PDK2: variants seen among roughly 807,000 people sequenced by gnomAD.
PDK2 encodes the protein pyruvate dehydrogenase kinase 2.
In PDK2, 34 loss-of-function variants were observed where a neutral mutation model predicts 50.4. The observed-to-expected ratio is 0.68, with a 90% confidence interval of 0.51 to 0.90. PDK2 has a LOEUF of 0.90. Among genes scored for constraint, PDK2 ranks in the 40% least tolerant of loss-of-function variants. The pLI, the probability that PDK2 is intolerant of heterozygous loss-of-function variation, is 0.00. For synonymous variants in PDK2, 232 were observed against 216.0 expected, an observed-to-expected ratio of 1.07 and a Z score of -0.65; for missense variants, 377 against 544.5, an observed-to-expected ratio of 0.69 and a Z score of 3.06.
Position 50,097,514 on chromosome 17 carries a change from G to A in PDK2, c.210G>A (p.Leu70=). ...RLANIMKEIN[L]LPDRVLSTPS... Reference sequence around the variant, plus strand: ...CCAACATCATGAAAGAGATCAACCTGCTTCCCGACCGAGTGCTGAGCACAC... The same window carrying A: ...CCAACATCATGAAAGAGATCAACCTACTTCCCGACCGAGTGCTGAGCACAC... Residue 70 remains leucine, a synonymous_variant, in exon 2 of 11, where the codon CTG becomes CTA. Coordinates refer to ENST00000503176, the MANE Select transcript of PDK2 (RefSeq NM_002611.5). The A allele has an allele frequency of 6.2e-7, 1 of 1,613,882 alleles. No individual in the cohort carries two copies.
At chr17:50,106,654 G>T (rs1002389186) in intron 4 of PDK2, 140 bp from the exon 5 acceptor site, 7 of 705,880 alleles carry the variant, frequency 9.9e-6, no homozygotes, top group East Asian at 2.7e-5. Flanking sequence ...GGACAGAAGC[G>T]GGGGAGTGGG....
rs1910692596 is a variant in PDK2, at chr17:50,109,256, T to C, written c.970-31T>C. 1.4e-6 allele frequency: 2 copies of C among 1,480,420 alleles called. No homozygotes were observed. The highest frequency in any genetic ancestry group is 4.5e-5 in the East Asian group (2 of 44,190). The allele number at this position is 1,480,420 out of a possible 1,614,324, so 91.7% of individuals were successfully genotyped here. ...CTCCAGGAGGCCCCTGCCAGCCTCC[T>C]CATCCTCACTGCCTTCCTGCCCCGC... On this transcript the variant is annotated intron_variant, in intron 9 of 10. Transcript: ENST00000503176. The surrounding 1 kb of genome is among the most constrained non-coding windows in gnomAD (Gnocchi z 5.0).
chr17:50,100,081 G>A (rs1444235694), intron 2 of PDK2, among the ~76,000 whole-genome samples: 1 of 152,210 alleles, frequency 6.6e-6, no homozygotes, highest in Non-Finnish European at 1.5e-5. Context: ...GACTTTACCA[G>A]GGAGCTTGGC....
rs763112452 is a variant in PDK2 at position 50,108,644 on chromosome 17, G to A, written c.894G>A (p.Arg298=). 6.2e-7 allele frequency: 1 copy of A among 1,613,168 alleles called. No individual in the cohort carries two copies. Among genetic ancestry groups the A allele is most frequent in the Non-Finnish European group, 8.5e-7 (1 of 1,179,670 alleles). Residue 298 remains arginine (R), a synonymous_variant, in exon 9 of 11, where the codon AGG becomes AGA. Transcript: ENST00000503176. ...MSDRGGGVPL[R]KIERLFSYMY... ...ACCGAGGTGGGGGTGTTCCCTTGAG[G>A]AAGATTGAGCGACTCTTCAGCTACA...
Position 50,097,508 on chromosome 17 carries a change from C to A in PDK2, c.204C>A (p.Ile68=), listed in dbSNP as rs760434487. ...PVRLANIMKE[I]NLLPDRVLST... Reference sequence around the variant, plus strand: ...GCCTGGCCAACATCATGAAAGAGATCAACCTGCTTCCCGACCGAGTGCTGA... The same window carrying A: ...GCCTGGCCAACATCATGAAAGAGATAAACCTGCTTCCCGACCGAGTGCTGA... Residue 68 remains isoleucine (I), a synonymous_variant, in exon 2 of 11, where the codon ATC becomes ATA. Coordinates refer to ENST00000503176, the MANE Select transcript of PDK2 (RefSeq NM_002611.5). 74 of 1,613,856 alleles carry A rather than the reference C, an allele frequency of 4.6e-5. No homozygotes were observed. Among genetic ancestry groups the A allele is most frequent in the Non-Finnish European group, 5.5e-5 (65 of 1,180,000 alleles).
In PDK2 at chr17:50,106,172, C is replaced by T; in HGVS notation, c.517+103C>T. The T allele has an allele frequency of 2.0e-6, 3 of 1,527,572 alleles. No homozygotes were observed. In the South Asian group the frequency reaches 3.6e-5, roughly 18 times the overall value. 94.6% of individuals were successfully genotyped at this position (1,527,572 alleles called of 1,614,324 possible). ...ACCTAGACCACTCTTCAGAACCCCA[C>T]AAAGGGAGTCTTTGAATAGTTACTC... On this transcript the variant is annotated intron_variant, in intron 4 of 10. Coordinates refer to ENST00000503176, the MANE Select transcript of PDK2 (RefSeq NM_002611.5).
rs1910766978 is a variant in PDK2 at position 50,110,349 on chromosome 17, AT to A, written c.*253del. ...GAGGGTTAGGGATGTCTCCACCCTGATGGGGTGTCCCAGAGACATTTTCCCA... is the reference window on the plus strand; with the variant it reads ...GAGGGTTAGGGATGTCTCCACCCTGAGGGGTGTCCCAGAGACATTTTCCCA... On this transcript the variant is annotated 3_prime_UTR_variant, in exon 11 of 11. Coordinates refer to ENST00000503176, the MANE Select transcript of PDK2 (RefSeq NM_002611.5). 2 of 366,894 alleles carry A rather than the reference AT, an allele frequency of 5.5e-6. No individual in the cohort carries two copies. The highest frequency in any genetic ancestry group is 8.5e-5 in the East Asian group (2 of 23,534). 22.7% of individuals were successfully genotyped at this position (366,894 alleles called of 1,614,324 possible).
At chr17:50,096,722 G>T (rs1317655590) in intron 1 of PDK2, among the ~76,000 whole-genome samples, 2 of 152,190 alleles carry the variant, frequency 1.3e-5, no homozygotes, top group Non-Finnish European at 2.9e-5. Flanking sequence ...TACTATGGGG[G>T]AAACTGAGAC....
Position 50,109,891 on chromosome 17 carries a change from G to C in PDK2, c.1084-66G>C. 1 of 1,410,206 alleles carries C rather than the reference G, an allele frequency of 7.1e-7. No individual in the cohort carries two copies. The highest frequency in any genetic ancestry group is 9.4e-7 in the Non-Finnish European group (1 of 1,068,028). 87.4% of individuals were successfully genotyped at this position (1,410,206 alleles called of 1,614,324 possible). A position where few individuals can be genotyped will look rare whatever the true frequency, so the allele number is the denominator to read the frequency against. ...GCTGGGCTGCCGCTGAGCTGGGGTG[G>C]GGTGGTCTGCTGAGGAGTGGACAAG... On this transcript the variant is annotated intron_variant, in intron 10 of 10. Coordinates refer to ENST00000503176, the MANE Select transcript of PDK2 (RefSeq NM_002611.5). The surrounding 1 kb of genome is among the most constrained non-coding windows in gnomAD (Gnocchi z 5.0).
chr17:50,099,391 A>C (rs959179941), intron 2 of PDK2, among the ~76,000 whole-genome samples: 4 of 152,324 alleles, frequency 2.6e-5, no homozygotes, highest in Non-Finnish European at 4.4e-5. Context: ...AAACTCAGTG[A>C]CACAGATAAG....
chr17:50,105,013 A>G (rs1306035778), intron 2 of PDK2, among the ~76,000 whole-genome samples: 1 of 151,838 alleles, frequency 6.6e-6, no homozygotes, highest in South Asian at 2.1e-4. Context: ...GCCTTCCCCC[A>G]CTGCAGGCGC....
At position 50,109,554 on chromosome 17, in the gene PDK2, G is replaced by A. The variant is rs1910713388; in HGVS notation, c.1083+154G>A. Among the ~76,000 whole-genome samples the A allele has an allele frequency of 6.6e-6, 1 of 152,148 alleles. No individual in the cohort carries two copies. The highest frequency in any genetic ancestry group is 1.5e-5 in the Non-Finnish European group (1 of 68,026). ...AAGCAAAGCTACAGTTCCTCAACCT[G>A]AAGAACCCTCAACCCCCAGACACGC... On this transcript the variant is annotated intron_variant, in intron 10 of 10. Transcript: ENST00000503176. The surrounding 1 kb of genome is among the most constrained non-coding windows in gnomAD (Gnocchi z 5.0).
intron 3 of PDK2, 37 bp from the exon 4 acceptor site, chr17:50,105,848 G>A: frequency 6.2e-7 from 1 of 1,603,500 alleles, no homozygotes; most frequent in East Asian, 2.3e-5. Context: ...AGAAGAGTCT[G>A]GGGGTGTCCC....
chr17:50,103,927 C>G (rs1168153132), intron 2 of PDK2, among the ~76,000 whole-genome samples: 1 of 152,150 alleles, frequency 6.6e-6, no homozygotes, highest in Non-Finnish European at 1.5e-5. Context: ...TTACAGGTTA[C>G]AGTGAAGGCC....
chr17:50,099,875 C>G (rs927647832), intron 2 of PDK2, among the ~76,000 whole-genome samples: 2 of 152,258 alleles, frequency 1.3e-5, no homozygotes, highest in Non-Finnish European at 2.9e-5. Context: ...GAAGAGACAG[C>G]CTGCCAAGAA....
chr17:50,102,337 G>A (rs552994245), intron 2 of PDK2, among the ~76,000 whole-genome samples: 1 of 152,194 alleles, frequency 6.6e-6, no homozygotes, highest in Non-Finnish European at 1.5e-5. Flanking sequence ...CAGTGGCCAC[G>A]TGACCAGGCC....
Position 50,109,438 on chromosome 17 carries a change from C to T in PDK2, c.1083+38C>T. Reference sequence around the variant, plus strand: ...CCCGCAGAGCCCAGCTGGAGAAGAGCTTTGCTGATAGGACCTGGGCAGCCT... The same window carrying T: ...CCCGCAGAGCCCAGCTGGAGAAGAGTTTTGCTGATAGGACCTGGGCAGCCT... On this transcript the variant is annotated intron_variant, in intron 10 of 10. Coordinates refer to ENST00000503176, the MANE Select transcript of PDK2 (RefSeq NM_002611.5). The surrounding 1 kb of genome is among the most constrained non-coding windows in gnomAD (Gnocchi z 5.0). 5 of 1,429,686 alleles carry T rather than the reference C, an allele frequency of 3.5e-6. No homozygotes were observed. Among genetic ancestry groups the T allele is most frequent in the Non-Finnish European group, 4.9e-6 (5 of 1,023,694 alleles). 88.6% of individuals were successfully genotyped at this position (1,429,686 alleles called of 1,614,324 possible). A position where few individuals can be genotyped will look rare whatever the true frequency, so the allele number is the denominator to read the frequency against.
intron 2 of PDK2, among the ~76,000 whole-genome samples, chr17:50,099,698 C>T (rs1910124845): frequency 6.6e-6 from 1 of 152,236 alleles, no homozygotes; most frequent in African/African-American, 2.4e-5. Flanking sequence ...GAGGCTGAGG[C>T]AGGAGAATGG....
Position 50,105,382 on chromosome 17 carries a change from G to C in PDK2, c.272G>C (p.Ser91Thr). The C allele has an allele frequency of 6.2e-7, 1 of 1,613,004 alleles. No homozygotes were observed. Among genetic ancestry groups the C allele is most frequent in the South Asian group, 1.1e-5 (1 of 90,920 alleles). ...CCGCCCCCACACAGGTATGTCCAGA[G>C]CCTCCTGGACATCATGGAGTTCCTG... is the stretch of plus-strand genomic sequence containing the variant. ...VQLVQSWYVQ[S>T]LLDIMEFLDK... Residue 91 changes from serine to threonine, a missense_variant, in exon 3 of 11, where the codon AGC (serine) becomes ACC (threonine). Transcript: ENST00000503176.
Sources: gnomAD v4.1 joint callset for allele counts (sites outside exome capture counted in the v4.1 genomes callset) on GRCh38, gnomAD v4.1.1 for gene constraint, Gnocchi (gnomAD v3.1) non-coding constraint, MANE v1.5 for transcripts, NCBI Gene and HGNC (gene_info 2026-07-23, HGNC 2026-07-21) for gene names.